The following TPD52L1 variants were observed in gnomAD, a reference collection of about 807,000 sequenced individuals.
TPD52L1 encodes TPD52 like 1.
In TPD52L1, 18 loss-of-function variants were observed where a neutral mutation model predicts 28.7. The ratio of observed to expected loss-of-function variants is 0.63; its 90% CI spans 0.43 to 0.93. The LOEUF is 0.93. Ranked by LOEUF, TPD52L1 falls within the 40% of genes least tolerant of loss-of-function variation. The pLI is 0.00. For missense variants in TPD52L1, 203 were observed against 254.8 expected (o/e 0.80, Z 1.39); for synonymous variants, 75 against 88.8 (o/e 0.84, Z 0.88).
chr6:125,182,284 G>A (rs1399413142), intron 1 of TPD52L1, among the ~76,000 whole-genome samples: 1 of 152,190 alleles, frequency 6.6e-6, no homozygotes, highest in African/African-American at 2.4e-5. Context: ...GGGAAAGCAT[G>A]CAAACACTGA....
Position 125,211,261 on chromosome 6 carries a change from GTCTATCTATCTATCTATCTA to G in TPD52L1, c.20-8790_20-8771del, listed in dbSNP as rs58864276. On this transcript the variant is annotated intron_variant, in intron 1 of 6. Coordinates refer to ENST00000534000, the MANE Select transcript of TPD52L1 (RefSeq NM_003287.4). ...ATTTCATTTTTAGATATATGGATCT[GTCTATCTATCTATCTATCTA>G]TCTATCTATCTATCTATCTATCTAT... 2.9e-3 allele frequency among the ~76,000 whole-genome samples: 437 copies of G among 148,960 alleles called. 1 individual carries two copies. Among genetic ancestry groups the G allele is most frequent in the African/African-American group, 0.01 (406 of 40,490 alleles).
At position 125,249,451 on chromosome 6, in the gene TPD52L1, G is replaced by A. The variant is rs544096316; in HGVS notation, c.386+1068G>A. 2.0e-4 allele frequency among the ~76,000 whole-genome samples: 31 copies of A among 151,998 alleles called. No individual in the cohort carries two copies. The South Asian group carries it at 3.7e-3, about 18-fold the overall frequency. Reference sequence around the variant, plus strand: ...CCCGTCATTTTGGGAGACTGAGGCAGGTGGATCCCTTGAGGTCAGGAGTTA... The same window carrying A: ...CCCGTCATTTTGGGAGACTGAGGCAAGTGGATCCCTTGAGGTCAGGAGTTA... On this transcript the variant is annotated intron_variant, in intron 4 of 6. Coordinates refer to ENST00000534000, the MANE Select transcript of TPD52L1 (RefSeq NM_003287.4).
At chr6:125,165,640 A>G (rs889833786) in intron 1 of TPD52L1, among the ~76,000 whole-genome samples, 2 of 152,252 alleles carry the variant, frequency 1.3e-5, no homozygotes, top group Non-Finnish European at 2.9e-5. Context: ...TATCTTATAC[A>G]AATTACAGTT....
At chr6:125,167,092 AC>A (rs1217123913) in intron 1 of TPD52L1, among the ~76,000 whole-genome samples, 3 of 152,042 alleles carry the variant, frequency 2.0e-5, no homozygotes, top group Non-Finnish European at 4.4e-5. Context: ...CCTCGTCTCT[AC>A]TAAAAATAAT....
At chr6:125,225,367 C>A (rs1001493432) in intron 2 of TPD52L1, among the ~76,000 whole-genome samples, 1 of 152,146 alleles carries the variant, frequency 6.6e-6, no homozygotes, top group Non-Finnish European at 1.5e-5. Flanking sequence ...ATATACCTAA[C>A]AGTGGAATTG....
intron 6 of TPD52L1, 105 bp downstream of exon 6, chr6:125,257,263 G>A (rs1797662445): frequency 2.3e-6 from 2 of 865,348 alleles, no homozygotes; most frequent in South Asian, 3.4e-5. Flanking sequence ...AGGCAGGCTT[G>A]CATCAAGTCA....
intron 3 of TPD52L1, among the ~76,000 whole-genome samples, chr6:125,243,994 T>G (rs1014940775): frequency 6.6e-6 from 1 of 152,246 alleles, no homozygotes; most frequent in South Asian, 2.1e-4. Flanking sequence ...ATTTATTCCC[T>G]CTTAAGGATT....
At chr6:125,237,659 C>G (rs936997453) in intron 3 of TPD52L1, among the ~76,000 whole-genome samples, 1 of 152,124 alleles carries the variant, frequency 6.6e-6, no homozygotes, top group Admixed American at 6.6e-5. Context: ...GCATATAATA[C>G]TGTACTTTCC....
At chr6:125,210,960 T>G (rs1286605358) in intron 1 of TPD52L1, among the ~76,000 whole-genome samples, 1 of 152,208 alleles carries the variant, frequency 6.6e-6, no homozygotes, top group Non-Finnish European at 1.5e-5. Context: ...AATATCACTA[T>G]ACTATCTTGC....
chr6:125,232,847 CAT>C (rs1287783602), intron 3 of TPD52L1, among the ~76,000 whole-genome samples: 1 of 152,082 alleles, frequency 6.6e-6, no homozygotes, highest in African/African-American at 2.4e-5. Context: ...TTGTTCTTGT[CAT>C]AGTTTTTTAC....
intron 6 of TPD52L1, chr6:125,260,188 A>G (rs1403681617): frequency 1.3e-5 from 2 of 152,172 alleles, no homozygotes; most frequent in East Asian, 3.8e-4. Context: ...GAGAGAGGGA[A>G]CTATTAATAG....
At position 125,220,179 on chromosome 6, in the gene TPD52L1, G is replaced by T; in HGVS notation, c.121G>T (p.Ala41Ser). The T allele has an allele frequency of 6.2e-7, 1 of 1,611,300 alleles. No individual in the cohort carries two copies. The highest frequency in any genetic ancestry group is 8.5e-7 in the Non-Finnish European group (1 of 1,177,552). The change falls in exon 2 of 7, where the codon GCA becomes TCA. Residue 41 changes from alanine (A) to serine (S), a missense_variant. Coordinates refer to ENST00000534000, the MANE Select transcript of TPD52L1 (RefSeq NM_003287.4). ...LSEEEKEELK[A>S]ELVQLEDEIT... ...TGAGGAGGAAAAGGAAGAGTTAAAA[G>T]CAGAGTTAGTTCAGGTATGTTTAGT...
At chr6:125,214,848 A>T (rs1471443648) in intron 1 of TPD52L1, among the ~76,000 whole-genome samples, 1 of 152,226 alleles carries the variant, frequency 6.6e-6, no homozygotes, top group East Asian at 1.9e-4. Context: ...CTGATTTAAC[A>T]TCATTTAACC....
At chr6:125,173,368 TA>T (rs1791619527) in intron 1 of TPD52L1, among the ~76,000 whole-genome samples, 1 of 152,210 alleles carries the variant, frequency 6.6e-6, no homozygotes, top group Non-Finnish European at 1.5e-5. Context: ...ATTGTAAATC[TA>T]AATTTTTGTC....
chr6:125,211,725 G>A (rs995973105), intron 1 of TPD52L1, among the ~76,000 whole-genome samples: 5 of 152,180 alleles, frequency 3.3e-5, no homozygotes, highest in Non-Finnish European at 5.9e-5. Context: ...TACATCTCCC[G>A]TGGTATTGAT....
intron 6 of TPD52L1, among the ~76,000 whole-genome samples, chr6:125,258,409 A>G (rs892834739): frequency 2.0e-5 from 3 of 152,104 alleles, no homozygotes; most frequent in Non-Finnish European, 4.4e-5. Flanking sequence ...AGAGCATCCA[A>G]TGTTGTGAAC....
At chr6:125,213,774 G>A (rs2057443045) in intron 1 of TPD52L1, among the ~76,000 whole-genome samples, 1 of 152,082 alleles carries the variant, frequency 6.6e-6, no homozygotes, top group South Asian at 2.1e-4. Flanking sequence ...AGGTTGGTGT[G>A]GGATAGCCTG....
At chr6:125,236,367 C>T (rs1796261314) in intron 3 of TPD52L1, among the ~76,000 whole-genome samples, 2 of 152,238 alleles carry the variant, frequency 1.3e-5, no homozygotes, top group South Asian at 4.1e-4. Flanking sequence ...ATGCTCACCT[C>T]CCATTTTGCT....
chr6:125,239,640 GC>G (rs2115014287), intron 3 of TPD52L1, among the ~76,000 whole-genome samples: 1 of 152,214 alleles, frequency 6.6e-6, no homozygotes, highest in African/African-American at 2.4e-5. Context: ...GGGGACCCAG[GC>G]AAACCATATC....
Sources: allele counts gnomAD v4.1 joint callset (sites outside exome capture counted in the v4.1 genomes callset), GRCh38; gene constraint gnomAD v4.1.1; transcripts MANE v1.5; gene names NCBI Gene and HGNC (gene_info 2026-07-23, HGNC 2026-07-21).